The following CDC7 variants were observed in gnomAD, a reference collection of about 807,000 sequenced individuals.
CDC7 encodes the protein cell division cycle 7, also known as cell division cycle 7-related protein kinase.
CDC7 carries 34 observed loss-of-function variants against 53.5 expected under a neutral mutation model. The observed-to-expected ratio is 0.64, with a 90% CI of 0.48 to 0.85. CDC7 has a LOEUF of 0.85. Among genes scored for constraint, CDC7 ranks in the 40% least tolerant of loss-of-function variants. CDC7 has a pLI of 0.00. For missense variants in CDC7, 594 were observed against 679.7 expected, an observed-to-expected ratio of 0.87 and a Z score of 1.40; for synonymous variants, 211 against 222.8, an observed-to-expected ratio of 0.95 and a Z score of 0.47.
At chr1:91,510,152 C>A (rs1667203131) in intron 4 of CDC7, among the ~76,000 whole-genome samples, 1 of 151,694 alleles carries the variant, frequency 6.6e-6, no homozygotes, top group African/African-American at 2.4e-5. Context: ...GAGTTTGAGG[C>A]TGTAATGACC....
chr1:91,501,670 G>A lies in CDC7; in HGVS notation c.-47G>A. ...TTTTCACAGCTGCTTTGCTCCCCCT[G>A]TGGATGTAACCCCTTAGCTGGCATT... On this transcript the variant is annotated 5_prime_UTR_variant, in exon 2 of 12. In the 5' UTR this introduces an upstream ATG that the reference lacks. Coordinates refer to ENST00000234626, the MANE Select transcript of CDC7 (RefSeq NM_003503.4). The A allele has an allele frequency of 7.4e-7, 1 of 1,352,010 alleles. No individual in the cohort carries two copies. The highest frequency in any genetic ancestry group is 1.1e-6 in the Non-Finnish European group (1 of 945,486). The allele number at this position is 1,352,010 out of a possible 1,614,324, so 83.8% of individuals were successfully genotyped here.
chr1:91,511,609 T>C lies in CDC7; in HGVS notation c.348T>C (p.Asn116=), dbSNP rs201651444. The C allele has an allele frequency of 7.1e-5, 114 of 1,600,042 alleles. 1 individual carries two copies. The highest frequency in any genetic ancestry group is 6.2e-4 in the Admixed American group (37 of 59,684). ...ATTTTTCCACTAGGGGGCAAGATAA[T>C]GTCATGGGAGTTAAATACTGCTTTA... The part of the protein sequence containing the change: ...QCLTVAGGQD[N]VMGVKYCFRK... Residue 116 remains asparagine, a synonymous_variant, in exon 5 of 12, where the codon AAT becomes AAC. Transcript: ENST00000234626.
intron 6 of CDC7, 22 bp downstream of exon 6, chr1:91,511,945 A>C: frequency 2.0e-6 from 3 of 1,526,996 alleles, no homozygotes; most frequent in Non-Finnish European, 2.7e-6. Context: ...GAGTTACTAG[A>C]AAATATTTAT....
chr1:91,524,472 A>G lies in CDC7; in HGVS notation c.*37A>G, dbSNP rs770749941. The G allele has an allele frequency of 2.8e-6, 4 of 1,434,532 alleles. No individual in the cohort carries two copies. Among genetic ancestry groups the G allele is most frequent in the East Asian group, 2.3e-5 (1 of 44,022 alleles). 88.9% of individuals were successfully genotyped at this position (1,434,532 alleles called of 1,614,324 possible). A position where few individuals can be genotyped will look rare whatever the true frequency, so the allele number is the denominator to read the frequency against. On this transcript the variant is annotated 3_prime_UTR_variant, in exon 12 of 12. Transcript: ENST00000234626. ...CATTTAATGTTTACTGTTATGAGGT[A>G]GAATAAAAAAGAATACTTTGTAATA...
chr1:91,524,214 C>A lies in CDC7; in HGVS notation c.1504C>A (p.Gln502Lys), dbSNP rs1410293156. ...KTDHKASCLV[Q>K]TPPGQYSGNS... ...TGACCATAAAGCTTCTTGCCTCGTT[C>A]AAACACCTCCAGGACAATACTCAGG... Residue 502 changes from glutamine (Q) to lysine (K), a missense_variant, in exon 12 of 12, where the codon CAA (glutamine) becomes AAA (lysine). By Grantham distance (53) the Gln-to-Lys change is moderately conservative. Transcript: ENST00000234626. 6.2e-7 allele frequency: 1 copy of A among 1,614,016 alleles called. No homozygotes were observed. Among genetic ancestry groups the A allele is most frequent in the Admixed American group, 1.7e-5 (1 of 59,996 alleles).
intron 2 of CDC7, among the ~76,000 whole-genome samples, chr1:91,506,911 C>T (rs1165609984): frequency 6.6e-6 from 1 of 152,148 alleles, no homozygotes; most frequent in Non-Finnish European, 1.5e-5. Flanking sequence ...GATTACATCA[C>T]TGCACTCCAA....
At chr1:91,522,615 T>A (rs755275373) in intron 11 of CDC7, among the ~76,000 whole-genome samples, 3 of 152,182 alleles carry the variant, frequency 2.0e-5, no homozygotes, top group Admixed American at 1.3e-4. Flanking sequence ...TGCTATAACA[T>A]ATACTATTAG....
At chr1:91,521,299 A>G (rs1335890976) in intron 11 of CDC7, among the ~76,000 whole-genome samples, 4 of 152,242 alleles carry the variant, frequency 2.6e-5, no homozygotes. Flanking sequence ...AGTTTGAAAA[A>G]GCAAGTGATT....
intron 2 of CDC7, among the ~76,000 whole-genome samples, chr1:91,502,496 T>C (rs1397179688): frequency 1.3e-5 from 2 of 152,228 alleles, no homozygotes; most frequent in Non-Finnish European, 2.9e-5. Flanking sequence ...CATCTTTGTC[T>C]TAAGTGAATT....
At position 91,511,862 on chromosome 1, in the gene CDC7, T is replaced by G; in HGVS notation, c.511T>G (p.Phe171Val). Residue 171 changes from phenylalanine to valine, a missense_variant, in exon 6 of 12, where the codon TTT becomes GTT. Transcript: ENST00000234626. ...CAAAGCTTTGAAACGCATTCATCAG[T>G]TTGGTATTGTTCACCGTGATGTTAA... ...LFKALKRIHQ[F>V]GIVHRDVKPS... 1 of 1,604,712 alleles carries G rather than the reference T, an allele frequency of 6.2e-7. No homozygotes were observed. The highest frequency in any genetic ancestry group is 8.5e-7 in the Non-Finnish European group (1 of 1,172,890).
At chr1:91,504,265 T>A (rs1666863728) in intron 2 of CDC7, among the ~76,000 whole-genome samples, 1 of 151,934 alleles carries the variant, frequency 6.6e-6, no homozygotes, top group Non-Finnish European at 1.5e-5. Flanking sequence ...GCCGCTACAC[T>A]CAGCTAATTT....
chr1:91,509,383 A>AG (rs1667150981), intron 4 of CDC7, among the ~76,000 whole-genome samples: 2 of 151,892 alleles, frequency 1.3e-5, no homozygotes, highest in South Asian at 4.1e-4. Context: ...AAAAAAAAAA[A>AG]AAAAACACCA....
chr1:91,512,997 T>TA, intron 6 of CDC7, 61 bp from the exon 7 acceptor site: 1 of 1,429,286 alleles, frequency 7.0e-7, no homozygotes, highest in Non-Finnish European at 9.7e-7. Flanking sequence ...TTGAGAGTAT[T>TA]ACAATGTTAC....
Position 91,511,704 on chromosome 1 carries a change from T to C in CDC7, c.429+14T>C. 1.3e-6 allele frequency: 2 copies of C among 1,589,254 alleles called. No homozygotes were observed. Among genetic ancestry groups the C allele is most frequent in the Admixed American group, 1.7e-5 (1 of 59,182 alleles). Reference sequence around the variant, plus strand: ...GAGTCGTTTTTGGTAGGTTTTAATATTTCTTGAATTTTTATTAGCTAAATA... The same window carrying C: ...GAGTCGTTTTTGGTAGGTTTTAATACTTCTTGAATTTTTATTAGCTAAATA... On this transcript the variant is annotated intron_variant, in intron 5 of 11. Transcript: ENST00000234626.
intron 11 of CDC7, among the ~76,000 whole-genome samples, chr1:91,521,807 AG>A (rs1667960755): frequency 6.6e-6 from 1 of 152,126 alleles, no homozygotes; most frequent in Admixed American, 6.6e-5. Context: ...AAAATACTCT[AG>A]ATCAAGTGCC....
intron 2 of CDC7, among the ~76,000 whole-genome samples, chr1:91,506,994 CTG>C (rs1274073786): frequency 6.6e-6 from 1 of 152,148 alleles, no homozygotes; most frequent in Non-Finnish European, 1.5e-5. Context: ...AGCAACACCT[CTG>C]TGAAATTGGG....
intron 7 of CDC7, 133 bp downstream of exon 7, chr1:91,513,440 CATTT>C: frequency 1.6e-6 from 1 of 644,264 alleles, no homozygotes; most frequent in Non-Finnish European, 2.5e-6. Context: ...TATATGTATT[CATTT>C]GATTAAATTT....
chr1:91,507,920 AGGACAAAATT>A lies in CDC7; in HGVS notation c.186_195del (p.Asp62GlufsTer17), dbSNP rs1185219930. The stretch of plus-strand genomic sequence containing the variant: ...CAGCTTAGTAATGTGTTTAAGATTG[AGGACAAAATT>A]GGAGAAGGTAATCTGGGGATATGCT... On this transcript the variant is annotated frameshift_variant, in exon 3 of 12. Coordinates refer to ENST00000234626, the MANE Select transcript of CDC7 (RefSeq NM_003503.4). LOFTEE classifies it high-confidence loss of function. The A allele has an allele frequency of 1.3e-6, 2 of 1,560,330 alleles. No individual in the cohort carries two copies. The highest frequency in any genetic ancestry group is 1.7e-6 in the Non-Finnish European group (2 of 1,149,674).
chr1:91,510,859 C>T (rs1667250937), intron 4 of CDC7, among the ~76,000 whole-genome samples: 1 of 152,196 alleles, frequency 6.6e-6, no homozygotes, highest in Non-Finnish European at 1.5e-5. Flanking sequence ...TTCTCTTTGA[C>T]TTCCATGCTA....
Sources: allele counts gnomAD v4.1 joint callset (sites outside exome capture counted in the v4.1 genomes callset), GRCh38; gene constraint gnomAD v4.1.1; transcripts MANE v1.5; gene names NCBI Gene and HGNC (gene_info 2026-07-23, HGNC 2026-07-21).